Variants in DMD observed in about 807,000 individuals in gnomAD.
DMD encodes dystrophin.
In DMD, 63 loss-of-function variants were observed where a neutral mutation model predicts 330.1. The ratio of observed to expected loss-of-function variants is 0.19; its 90% CI spans 0.16 to 0.24. The LOEUF is 0.24. Among genes scored for constraint, DMD ranks in the 10% least tolerant of loss-of-function variants. The probability of loss-of-function intolerance (pLI) is 1.00; values close to 1 mark genes in which losing one functional copy is unlikely to be tolerated. For synonymous variants in DMD, 1,223 were observed against 959.8 expected (o/e 1.27, Z -5.07); for missense variants, 3,344 against 2,684.1 (o/e 1.25, Z -5.43).
chrX:32,204,004 A>T (rs1197621393), intron 44 of DMD, among the ~76,000 whole-genome samples: 1 of 111,761 alleles, frequency 8.9e-6, no homozygotes, highest in Non-Finnish European at 1.9e-5. Flanking sequence ...TCTACTCATA[A>T]CTAAATAACA....
At chrX:32,352,713 C>T (rs1230984264) in intron 37 of DMD, among the ~76,000 whole-genome samples, 3 of 110,470 alleles carry the variant, frequency 2.7e-5, no homozygotes, top group East Asian at 2.8e-4. Flanking sequence ...ATTCTTACGT[C>T]GGTCTTATTA....
intron 64 of DMD, among the ~76,000 whole-genome samples, chrX:31,210,674 C>T (rs1363320435): frequency 8.9e-6 from 1 of 111,957 alleles, no homozygotes; most frequent in Non-Finnish European, 1.9e-5. Context: ...ATCTCTCATG[C>T]ATCTAGGGGG....
At chrX:31,395,272 T>C (rs1014003559) in intron 60 of DMD, among the ~76,000 whole-genome samples, 20 of 112,468 alleles carry the variant, frequency 1.8e-4, no homozygotes, top group Admixed American at 1.1e-3. Flanking sequence ...AGAAGATGCA[T>C]GTGTTCCTGC....
chrX:32,406,064 G>T (rs949357513), intron 30 of DMD, among the ~76,000 whole-genome samples: 1 of 111,295 alleles, frequency 9.0e-6, no homozygotes, highest in Non-Finnish European at 1.9e-5. Flanking sequence ...GTCTGTTATT[G>T]GTGTATAAGA....
chrX:32,186,989 C>T (rs377349352), intron 44 of DMD, among the ~76,000 whole-genome samples: 1,109 of 110,300 alleles, frequency 0.01, 9 homozygotes, highest in African/African-American at 0.034. Context: ...TAGACAGCAC[C>T]GTGAACTTCC....
At chrX:31,972,863 TG>T (rs908870152) in intron 44 of DMD, among the ~76,000 whole-genome samples, 3 of 111,683 alleles carry the variant, frequency 2.7e-5, no homozygotes, top group African/African-American at 9.8e-5. Context: ...TGCTTTATCT[TG>T]TTTTTTTATC....
chrX:32,810,770 C>T lies in DMD; in HGVS notation c.531-1159G>A, dbSNP rs373313902. Among the ~76,000 whole-genome samples, 7 of 111,426 alleles carry T rather than the reference C, an allele frequency of 6.3e-5. No homozygotes were observed. The East Asian group carries it at 1.4e-3, about 23-fold the overall frequency. On this transcript the variant is annotated intron_variant, in intron 6 of 78. Coordinates refer to ENST00000357033, the MANE Select transcript of DMD (RefSeq NM_004006.3). ...ATCTGTTAACATGTTTCATCATATC[C>T]GTCTTCTCAAATCTCTGCTTTAGGG... is the stretch of plus-strand genomic sequence containing the variant.
intron 45 of DMD, among the ~76,000 whole-genome samples, chrX:31,966,774 T>G (rs1429601811): frequency 9.0e-6 from 1 of 110,969 alleles, no homozygotes; most frequent in Non-Finnish European, 1.9e-5. Context: ...TAATGTGCCT[T>G]TAGAGCCCAA....
exon 1 of DMD, chrX:33,339,277 T>C (rs2054300527): frequency 9.7e-7 from 1 of 1,027,513 alleles, no homozygotes; most frequent in Non-Finnish European, 1.3e-6. Flanking sequence ...CCAGCTGTTT[T>C]TCCTGTCACT....
At position 31,289,251 on chromosome X, in the gene DMD, C is replaced by CAAAAAAAAAAAAAAAAAAAAAAAAAAAA. The variant is rs773939250; in HGVS notation, c.9225-28236_9225-28235insTTTTTTTTTTTTTTTTTTTTTTTTTTTT. On this transcript the variant is annotated intron_variant, in intron 62 of 78. Coordinates refer to ENST00000357033, the MANE Select transcript of DMD (RefSeq NM_004006.3). ...CTGCACTCCAGCCTGGGTGACAGAG[C>CAAAAAAAAAAAAAAAAAAAAAAAAAAAA]AAAAAAAAAAAAAATAAAAAATAAA... is the stretch of plus-strand genomic sequence containing the variant. Among the ~76,000 whole-genome samples, 6 of 23,604 alleles carry CAAAAAAAAAAAAAAAAAAAAAAAAAAAA rather than the reference C, an allele frequency of 2.5e-4. 1 individual carries two copies. Among genetic ancestry groups the CAAAAAAAAAAAAAAAAAAAAAAAAAAAA allele is most frequent in the Non-Finnish European group, 4.7e-4 (6 of 12,695 alleles). The allele number at this position is 23,604 out of a possible 115,157, so 20.5% of individuals were successfully genotyped here.
chrX:32,866,610 T>C (rs956303049), intron 2 of DMD, among the ~76,000 whole-genome samples: 9 of 110,196 alleles, frequency 8.2e-5, no homozygotes, highest in Non-Finnish European at 1.7e-4. Context: ...TTCCATGCAG[T>C]TCCTCCAATG....
intron 61 of DMD, among the ~76,000 whole-genome samples, chrX:31,326,648 C>T (rs1474099470): frequency 2.7e-5 from 3 of 109,566 alleles, no homozygotes; most frequent in Non-Finnish European, 3.8e-5. Context: ...TTCCCTGCCC[C>T]ATCATAATCA....
At chrX:32,590,680 C>T (rs911913577) in intron 13 of DMD, among the ~76,000 whole-genome samples, 4 of 111,828 alleles carry the variant, frequency 3.6e-5, no homozygotes, top group Admixed American at 9.5e-5. Context: ...TCCAGGTTCT[C>T]CAGTCTTTGG....
chrX:31,700,888 T>A (rs1284893905), intron 52 of DMD, among the ~76,000 whole-genome samples: 1 of 111,954 alleles, frequency 8.9e-6, no homozygotes, highest in Non-Finnish European at 1.9e-5. Context: ...AAAGAAACTA[T>A]CTAGATGTGA....
At chrX:31,656,097 T>C (rs1192528693) in intron 54 of DMD, among the ~76,000 whole-genome samples, 2 of 112,096 alleles carry the variant, frequency 1.8e-5, no homozygotes, top group African/African-American at 3.2e-5. Flanking sequence ...CACAAGTGGA[T>C]GAATTCTTGC....
At chrX:32,787,644 G>A (rs1217034682) in intron 7 of DMD, among the ~76,000 whole-genome samples, 2 of 111,070 alleles carry the variant, frequency 1.8e-5, no homozygotes, top group African/African-American at 6.6e-5. Context: ...AACAATTATA[G>A]CAATATGCAG....
At chrX:32,884,679 A>G (rs1041172780) in intron 2 of DMD, among the ~76,000 whole-genome samples, 1 of 111,507 alleles carries the variant, frequency 9.0e-6, no homozygotes, top group Non-Finnish European at 1.9e-5. Flanking sequence ...AGTTTCATCA[A>G]TACACTGGAA....
At chrX:33,325,353 T>C (rs1302163683) in intron 1 of DMD, among the ~76,000 whole-genome samples, 1 of 112,555 alleles carries the variant, frequency 8.9e-6, no homozygotes, top group Non-Finnish European at 1.9e-5. Flanking sequence ...TTTGAGATTT[T>C]CCTTCCACAG....
rs1557291126 is a variant in DMD at position 32,343,218 on chromosome X, C to G, written c.5655G>C (p.Gln1885His). 2.5e-6 allele frequency: 3 copies of G among 1,208,880 alleles called. No individual in the cohort carries two copies. The African/African-American group carries it at 5.2e-5, about 21-fold the overall frequency. The part of the protein sequence containing the change: ...ISHQWYQYKR[Q>H]ADDLLKCLDD... ...CCAAGCATTTCAGGAGATCATCAGC[C>G]TGCCTCTTGTACTGATACCACTGAT... Residue 1885 changes from glutamine to histidine, a missense_variant, in exon 40 of 79, where the codon CAG becomes CAC. Gln to His is a conservative substitution (Grantham distance 24, BLOSUM62 0). Transcript: ENST00000357033.
Sources: allele counts gnomAD v4.1 joint callset (sites outside exome capture counted in the v4.1 genomes callset), GRCh38; gene constraint gnomAD v4.1.1; transcripts MANE v1.5; gene names NCBI Gene and HGNC (gene_info 2026-07-23, HGNC 2026-07-21).